The following DTNA variants were observed in gnomAD, a reference collection of about 807,000 sequenced individuals.
DTNA encodes dystrobrevin alpha.
DTNA carries 43 observed loss-of-function variants against 100.7 expected under a neutral mutation model. The ratio of observed to expected loss-of-function variants is 0.43; its 90% CI spans 0.33 to 0.55. The LOEUF is 0.55. Ranked by LOEUF, DTNA falls within the 20% of genes least tolerant of loss-of-function variation. The pLI is 0.04. For missense variants in DTNA, 798 were observed against 953.9 expected, an observed-to-expected ratio of 0.84 and a Z score of 2.15; for synonymous variants, 349 against 347.9, an observed-to-expected ratio of 1.00 and a Z score of -0.04.
chr18:34,618,894 T>C (rs945349664), intron 1 of DTNA, among the ~76,000 whole-genome samples: 4 of 151,834 alleles, frequency 2.6e-5, no homozygotes, highest in African/African-American at 9.7e-5. Context: ...GCTCAAAGAG[T>C]GTAGGGGAAA....
At chr18:34,713,788 T>C (rs2083381519) in intron 1 of DTNA, among the ~76,000 whole-genome samples, 2 of 152,116 alleles carry the variant, frequency 1.3e-5, no homozygotes, top group African/African-American at 2.4e-5. Context: ...GTATCCTCTT[T>C]TATTTCCTTG....
At chr18:34,551,793 T>G (rs1273789322) in intron 1 of DTNA, among the ~76,000 whole-genome samples, 2 of 152,152 alleles carry the variant, frequency 1.3e-5, no homozygotes, top group Non-Finnish European at 2.9e-5. Context: ...TGTACCAAGC[T>G]TAAAACCTTT....
chr18:34,810,038 G>A (rs946551080), intron 5 of DTNA, among the ~76,000 whole-genome samples: 5 of 152,120 alleles, frequency 3.3e-5, no homozygotes, highest in Non-Finnish European at 7.4e-5. Flanking sequence ...GTTTTAATGG[G>A]TTGGAACATT....
intron 1 of DTNA, among the ~76,000 whole-genome samples, chr18:34,587,856 T>C (rs1251029918): frequency 6.6e-6 from 1 of 152,160 alleles, no homozygotes; most frequent in Non-Finnish European, 1.5e-5. Flanking sequence ...TCTGAGACTT[T>C]CCTAGTTTCA....
chr18:34,616,763 A>T (rs968888943), intron 1 of DTNA, among the ~76,000 whole-genome samples: 4 of 152,160 alleles, frequency 2.6e-5, no homozygotes, highest in African/African-American at 7.2e-5. Flanking sequence ...ATGAGCATGG[A>T]ATGTTTTTCC....
chr18:34,796,420 A>T (rs2094971968), intron 4 of DTNA, among the ~76,000 whole-genome samples: 1 of 152,244 alleles, frequency 6.6e-6, no homozygotes. Context: ...CCCAGCGTGG[A>T]AATCTGATGC....
intron 1 of DTNA, among the ~76,000 whole-genome samples, chr18:34,593,005 C>G (rs1247660676): frequency 1.3e-5 from 2 of 152,156 alleles, no homozygotes; most frequent in Admixed American, 6.5e-5. Flanking sequence ...AGAGAACATT[C>G]TTTTTCAGGC....
intron 11 of DTNA, among the ~76,000 whole-genome samples, chr18:34,829,798 C>G (rs892151853): frequency 6.6e-6 from 1 of 152,088 alleles, no homozygotes; most frequent in Non-Finnish European, 1.5e-5. Flanking sequence ...TGCAAAAAAC[C>G]CAGATGGTAA....
chr18:34,641,242 A>G (rs1268603484), intron 1 of DTNA, among the ~76,000 whole-genome samples: 6 of 152,340 alleles, frequency 3.9e-5, no homozygotes, highest in Middle Eastern at 6.8e-3. Context: ...ATGCCTAAAA[A>G]TAATTATAAC....
chr18:34,775,859 A>G (rs1284050080), intron 3 of DTNA, among the ~76,000 whole-genome samples: 1 of 152,264 alleles, frequency 6.6e-6, no homozygotes. Flanking sequence ...CTGTGAGTTA[A>G]TAAGAGTCTT....
intron 1 of DTNA, among the ~76,000 whole-genome samples, chr18:34,607,386 A>C (rs750511568): frequency 6.6e-6 from 1 of 152,224 alleles, no homozygotes; most frequent in African/African-American, 2.4e-5. Context: ...TAGTCTGCTC[A>C]TAAAATGTTA....
intron 1 of DTNA, among the ~76,000 whole-genome samples, chr18:34,519,950 A>G (rs1055508718): frequency 1.3e-5 from 2 of 152,172 alleles, no homozygotes; most frequent in Non-Finnish European, 2.9e-5. Context: ...GAAATACCAT[A>G]GTACCTATAA....
chr18:34,717,644 A>T (rs2084322959), intron 1 of DTNA, among the ~76,000 whole-genome samples: 1 of 152,210 alleles, frequency 6.6e-6, no homozygotes, highest in African/African-American at 2.4e-5. Context: ...AGTAGTGCAG[A>T]GTTCCTTGAT....
At chr18:34,647,246 C>A (rs560158398) in intron 1 of DTNA, among the ~76,000 whole-genome samples, 1 of 152,214 alleles carries the variant, frequency 6.6e-6, no homozygotes, top group South Asian at 2.1e-4. Context: ...TATGACAAAT[C>A]CTGAAATGTC....
Position 34,806,309 on chromosome 18 carries a change from G to A in DTNA, c.448+5G>A. On this transcript the variant is annotated splice_donor_5th_base_variant and intron_variant, in intron 5 of 22. Transcript: ENST00000444659. ...AGATCATGGACAAATTAAGATGTAA[G>A]TTATTATTCCTTGTGTGTCTGTTTG... is the stretch of plus-strand genomic sequence containing the variant. 6.2e-7 allele frequency: 1 copy of A among 1,613,260 alleles called. No homozygotes were observed. The highest frequency in any genetic ancestry group is 8.5e-7 in the Non-Finnish European group (1 of 1,179,466).
intron 1 of DTNA, among the ~76,000 whole-genome samples, chr18:34,610,923 G>C (rs946029177): frequency 4.6e-5 from 7 of 152,124 alleles, no homozygotes; most frequent in Non-Finnish European, 8.8e-5. Flanking sequence ...TAATTACATA[G>C]GGAAAGGCTG....
chr18:34,781,662 C>T (rs1209743977), intron 3 of DTNA, among the ~76,000 whole-genome samples: 1 of 151,860 alleles, frequency 6.6e-6, no homozygotes, highest in Non-Finnish European at 1.5e-5. Context: ...TTTCTATGCA[C>T]TAGGGAGCTG....
At chr18:34,716,470 AGAGAATCGCTTGAACCCAG>A (rs2084101550) in intron 1 of DTNA, among the ~76,000 whole-genome samples, 1 of 152,032 alleles carries the variant, frequency 6.6e-6, no homozygotes, top group Non-Finnish European at 1.5e-5. Flanking sequence ...GGCTGAGGCA[AGAGAATCGCTTGAACCCAG>A]GAGGCGGAGG....
At position 34,539,934 on chromosome 18, in the gene DTNA, C is replaced by T. The variant is rs954623766; in HGVS notation, c.-2+46420C>T. Among the ~76,000 whole-genome samples, 6 of 151,700 alleles carry T rather than the reference C, an allele frequency of 4.0e-5. No homozygotes were observed. The East Asian group carries it at 7.8e-4, about 20-fold the overall frequency. ...TGGTAAAATTAATTTATGCTATATG[C>T]TTTTAAGGCCACTTATCAATATAGT... On this transcript the variant is annotated intron_variant, in intron 1 of 19. Coordinates refer to the DTNA transcript ENST00000283365.
Sources: allele counts gnomAD v4.1 joint callset (sites outside exome capture counted in the v4.1 genomes callset), GRCh38; gene constraint gnomAD v4.1.1; transcripts MANE v1.5; gene names NCBI Gene and HGNC (gene_info 2026-07-23, HGNC 2026-07-21).